The following NOTCH4 variants were observed in gnomAD, a reference collection of about 807,000 sequenced individuals.
NOTCH4 encodes neurogenic locus notch homolog protein 4.
In NOTCH4, 138 loss-of-function variants were observed where a neutral mutation model predicts 189.0. The ratio of observed to expected loss-of-function variants is 0.73; its 90% CI spans 0.64 to 0.84. NOTCH4 has a LOEUF of 0.84. Ranked by LOEUF, NOTCH4 falls within the 40% of genes least tolerant of loss-of-function variation. NOTCH4 has a pLI of 0.00. For synonymous variants in NOTCH4, 942 were observed against 1,032.8 expected, an observed-to-expected ratio of 0.91 and a Z score of 1.69; for missense variants, 2,286 against 2,605.4, an observed-to-expected ratio of 0.88 and a Z score of 2.67.
Position 32,198,803 on chromosome 6 carries a change from TC to T in NOTCH4, c.4536-74del. 6.7e-7 allele frequency: 1 copy of T among 1,501,288 alleles called. No individual in the cohort carries two copies. The highest frequency in any genetic ancestry group is 9.0e-7 in the Non-Finnish European group (1 of 1,109,646). The allele number at this position is 1,501,288 out of a possible 1,614,324, so 93.0% of individuals were successfully genotyped here. On this transcript the variant is annotated intron_variant, in intron 24 of 29. Transcript: ENST00000375023. The surrounding 1 kb of genome is among the most constrained non-coding windows in gnomAD (Gnocchi z 5.5). ...GGGTCTCCAAAATTTCCAGCAGGCT[TC>T]CCACCCCTCTCTCCTTCCCCTATCT...
In NOTCH4 at chr6:32,195,497, G is replaced by A. The variant is rs8192583; in HGVS notation, c.5952C>T (p.Asp1984=). ...TTTCTTGGAGGGCTGGGGGACCACA[G>A]TCAAGTTGAGGTGATCCCCGCTCCG... ...PSPERGSPQL[D]CGPPALQEMP... The change falls in exon 30 of 30, where the codon GAC becomes GAT. Residue 1984 remains aspartate (D), a synonymous_variant. Coordinates refer to ENST00000375023, the MANE Select transcript of NOTCH4 (RefSeq NM_004557.4). The surrounding 1 kb of genome is among the most constrained non-coding windows in gnomAD (Gnocchi z 5.4). The A allele has an allele frequency of 0.044, 70,307 of 1,612,868 alleles. 1,758 individuals are homozygous for A. Among genetic ancestry groups the A allele is most frequent in the South Asian group, 0.054 (4,900 of 91,068 alleles).
In NOTCH4 at chr6:32,212,376, T is replaced by C; in HGVS notation, c.2680+98A>G. ...TGTGGTTTTGATTCTCAGATGGTTG[T>C]TTTGGCCAAAAGCTGTGTGGAAGCC... On this transcript the variant is annotated intron_variant, in intron 17 of 29. Transcript: ENST00000375023. The surrounding 1 kb of genome is among the most constrained non-coding windows in gnomAD (Gnocchi z 4.4). The C allele has an allele frequency of 8.0e-7, 1 of 1,242,336 alleles. No individual in the cohort carries two copies. Among genetic ancestry groups the C allele is most frequent in the Non-Finnish European group, 1.1e-6 (1 of 889,278 alleles). 77.0% of individuals were successfully genotyped at this position (1,242,336 alleles called of 1,614,324 possible). A position where few individuals can be genotyped will look rare whatever the true frequency, so the allele number is the denominator to read the frequency against.
intron 29 of NOTCH4, 59 bp from the exon 30 acceptor site, chr6:32,196,209 TC>T: frequency 6.2e-7 from 1 of 1,603,440 alleles, no homozygotes; most frequent in Non-Finnish European, 8.5e-7. Context: ...ACTGGGCCTT[TC>T]TGCCTTCACT....
In NOTCH4 at chr6:32,195,893, C is replaced by CG; in HGVS notation, c.5555dup (p.His1853AlafsTer63). The CG allele has an allele frequency of 1.9e-6, 3 of 1,588,008 alleles. No individual in the cohort carries two copies. The highest frequency in any genetic ancestry group is 2.3e-5 in the East Asian group (1 of 44,418). ...AGCGCGGCAGAGCCCCGCCCCCATGCGGGGGCACGCTTACTGACACCGTCC... is the reference window on the plus strand; with the variant it reads ...AGCGCGGCAGAGCCCCGCCCCCATGCGGGGGGCACGCTTACTGACACCGTCC... On this transcript the variant is annotated frameshift_variant, in exon 30 of 30. Transcript: ENST00000375023. LOFTEE classifies it low-confidence loss of function (END_TRUNC). The surrounding 1 kb of genome is among the most constrained non-coding windows in gnomAD (Gnocchi z 5.4).
chr6:32,204,854 T>G (rs1351062858), intron 18 of NOTCH4, among the ~76,000 whole-genome samples: 2 of 152,228 alleles, frequency 1.3e-5, no homozygotes, highest in Non-Finnish European at 2.9e-5. Flanking sequence ...ATGATTTATA[T>G]ACATAACCTA....
intron 17 of NOTCH4, among the ~76,000 whole-genome samples, chr6:32,211,283 C>A (rs1789000462): frequency 7.0e-6 from 1 of 142,390 alleles, no homozygotes; most frequent in Non-Finnish European, 1.5e-5. Flanking sequence ...AACAAACAAA[C>A]AAACAGAAAC....
Position 32,221,059 on chromosome 6 carries a change from G to A in NOTCH4, c.718C>T (p.Pro240Ser), listed in dbSNP as rs1046104152. 1 of 1,613,052 alleles carries A rather than the reference G, an allele frequency of 6.2e-7. No individual in the cohort carries two copies. The highest frequency in any genetic ancestry group is 1.3e-5 in the African/African-American group (1 of 74,944). Reference sequence around the variant, plus strand: ...GTGCCCCCATTCGAACAGCCCCTAGGAGGGCAGGGTCCTGCCCGCAGCTCA... The same window carrying A: ...GTGCCCCCATTCGAACAGCCCCTAGAAGGGCAGGGTCCTGCCCGCAGCTCA... Reference protein sequence around the residue: ...RCELRAGPCPPRGCSNGGTCQ... With the variant: ...RCELRAGPCPSRGCSNGGTCQ... The change falls in exon 4 of 30, where the codon CCT becomes TCT. Residue 240 changes from proline (P) to serine (S), a missense_variant. By Grantham distance (74) the Pro-to-Ser change is moderately conservative (BLOSUM62 -1). Around this residue, in one of 2 missense-constraint regions of NOTCH4, gnomAD observed 1,903 missense variants for 2,261.9 expected, o/e 0.84. Coordinates refer to ENST00000375023, the MANE Select transcript of NOTCH4 (RefSeq NM_004557.4). This position sits in a 1 kb window ranked among gnomAD's most constrained non-coding sequence, Gnocchi z 4.3.
chr6:32,199,902 G>C lies in NOTCH4; in HGVS notation c.4316-757C>G, dbSNP rs904716601. 6.6e-6 allele frequency among the ~76,000 whole-genome samples: 1 copy of C among 152,028 alleles called. No homozygotes were observed. ...TCAGAAAACAAACACACAAAAAAAG[G>C]CTGAGTATCCATAACCCCAATCCCA... is the stretch of plus-strand genomic sequence containing the variant. On this transcript the variant is annotated intron_variant, in intron 23 of 29. Transcript: ENST00000375023. This position sits in a 1 kb window ranked among gnomAD's most constrained non-coding sequence, Gnocchi z 4.9.
Position 32,198,383 on chromosome 6 carries a change from C to CT in NOTCH4, c.4756+37dup, listed in dbSNP as rs368091638. On this transcript the variant is annotated intron_variant, in intron 26 of 29. Transcript: ENST00000375023. This position sits in a 1 kb window ranked among gnomAD's most constrained non-coding sequence, Gnocchi z 5.5. ...CTCTGATTCTAATAGGGTCAAAGGA[C>CT]TTTTTTTTTTTTTCTTGGTCTGGGT... is the stretch of plus-strand genomic sequence containing the variant. The CT allele has an allele frequency of 0.12, 119,939 of 974,092 alleles. No homozygotes were observed. The highest frequency in any genetic ancestry group is 0.14 in the Non-Finnish European group (93,360 of 691,016). The allele number at this position is 974,092 out of a possible 1,614,324, so 60.3% of individuals were successfully genotyped here.
Position 32,214,184 on chromosome 6 carries a change from G to A in NOTCH4, c.2093C>T (p.Ala698Val). 3 of 1,613,688 alleles carry A rather than the reference G, an allele frequency of 1.9e-6. No homozygotes were observed. The highest frequency in any genetic ancestry group is 2.5e-6 in the Non-Finnish European group (3 of 1,179,856). Residue 698 changes from alanine to valine, a missense_variant, in exon 13 of 30, where the codon GCA becomes GTA. By Grantham distance (64) the Ala-to-Val change is moderately conservative. Coordinates refer to ENST00000375023, the MANE Select transcript of NOTCH4 (RefSeq NM_004557.4). Reference protein sequence around the residue: ...CEAELGGCISAPCAHGGTCYP... With the variant: ...CEAELGGCISVPCAHGGTCYP... Reference sequence around the variant, plus strand: ...GCAGGTCCCCCCATGGGCACAGGGTGCAGAGATGCAGCCCCCTAGCTCTGC... The same window carrying A: ...GCAGGTCCCCCCATGGGCACAGGGTACAGAGATGCAGCCCCCTAGCTCTGC...
In NOTCH4 at chr6:32,210,981, C is replaced by T; in HGVS notation, c.2681-45G>A. 6.6e-7 allele frequency: 1 copy of T among 1,521,502 alleles called. No homozygotes were observed. The highest frequency in any genetic ancestry group is 8.8e-7 in the Non-Finnish European group (1 of 1,133,400). 94.3% of individuals were successfully genotyped at this position (1,521,502 alleles called of 1,614,324 possible). On this transcript the variant is annotated intron_variant, in intron 17 of 29. Transcript: ENST00000375023. The surrounding 1 kb of genome is among the most constrained non-coding windows in gnomAD (Gnocchi z 4.8). Reference sequence around the variant, plus strand: ...GGGATATACAAAGATAAGTGGGGGGCCGGGCGCCATGGCTTACGCCTGTAA... The same window carrying T: ...GGGATATACAAAGATAAGTGGGGGGTCGGGCGCCATGGCTTACGCCTGTAA...
In NOTCH4 at chr6:32,202,881, C is replaced by G. The variant is rs116697677; in HGVS notation, c.3232-282G>C. On this transcript the variant is annotated intron_variant, in intron 20 of 29. Transcript: ENST00000375023. The surrounding 1 kb of genome is among the most constrained non-coding windows in gnomAD (Gnocchi z 5.7). ...ACAGTGCAAGTCCTAGAAGACTAAACAGTTAATAGAATGCTATTATATTAT... is the reference window on the plus strand; with the variant it reads ...ACAGTGCAAGTCCTAGAAGACTAAAGAGTTAATAGAATGCTATTATATTAT... The G allele has an allele frequency of 3.3e-3, 1,212 of 364,042 alleles. 17 individuals carry two copies. Among genetic ancestry groups the G allele is most frequent in the African/African-American group, 0.023 (1,111 of 48,272 alleles). 22.6% of individuals were successfully genotyped at this position (364,042 alleles called of 1,614,324 possible).
At chr6:32,214,484 T>TATATATATATATATATATATATATACAC (rs28383875) in intron 12 of NOTCH4, among the ~76,000 whole-genome samples, 42 of 141,212 alleles carry the variant, frequency 3.0e-4, no homozygotes, top group South Asian at 6.7e-4. Flanking sequence ...TATATATATA[T>TATATATATATATATATATATATATACAC]ACACACATAT....
rs754037391 is a variant in NOTCH4 at position 32,214,288 on chromosome 6, C to A, written c.2022-33G>T. ...TAAAGAGAAAGGGGAGGGTTTTTCT[C>A]TTCTCCTACTGCTTATGTTCCCCTC... is the stretch of plus-strand genomic sequence containing the variant. On this transcript the variant is annotated intron_variant, in intron 12 of 29. Coordinates refer to ENST00000375023, the MANE Select transcript of NOTCH4 (RefSeq NM_004557.4). 16 of 1,608,938 alleles carry A rather than the reference C, an allele frequency of 9.9e-6. No homozygotes were observed. In the East Asian group the frequency reaches 3.6e-4, roughly 36 times the overall value.
chr6:32,214,762 G>T (rs1402365772), intron 12 of NOTCH4, among the ~76,000 whole-genome samples: 1 of 151,900 alleles, frequency 6.6e-6, no homozygotes, highest in Non-Finnish European at 1.5e-5. Flanking sequence ...CAAGTAGCTG[G>T]GATTACAGGT....
At chr6:32,219,509 G>A (rs1789615046) in intron 8 of NOTCH4, 83 bp downstream of exon 8, 2 of 1,286,546 alleles carry the variant, frequency 1.6e-6, no homozygotes, top group Non-Finnish European at 2.2e-6. Context: ...GCCTGAAGCT[G>A]TCCTTACTCT....
chr6:32,200,801 G>A lies in NOTCH4; in HGVS notation c.4315+30C>T, dbSNP rs766672844. 1.3e-5 allele frequency: 20 copies of A among 1,564,908 alleles called. No homozygotes were observed. The highest frequency in any genetic ancestry group is 1.6e-5 in the Non-Finnish European group (19 of 1,154,504). On this transcript the variant is annotated intron_variant, in intron 23 of 29. Transcript: ENST00000375023. The surrounding 1 kb of genome is among the most constrained non-coding windows in gnomAD (Gnocchi z 5.0). ...GCATGAGAGCTGGCCTGGGAACAGAGGTCAGAGAAAGTGGCAAGGGGTCAC... is the reference window on the plus strand; with the variant it reads ...GCATGAGAGCTGGCCTGGGAACAGAAGTCAGAGAAAGTGGCAAGGGGTCAC...
chr6:32,208,467 C>T (rs866899081), intron 18 of NOTCH4, among the ~76,000 whole-genome samples: 1 of 152,260 alleles, frequency 6.6e-6, no homozygotes, highest in Middle Eastern at 3.4e-3. Context: ...GTGTGGTGGC[C>T]CATGCCTGTA....
chr6:32,198,136 C>G lies in NOTCH4; in HGVS notation c.4756+285G>C, dbSNP rs925212894. 2.0e-5 allele frequency among the ~76,000 whole-genome samples: 3 copies of G among 152,186 alleles called. No homozygotes were observed. Among genetic ancestry groups the G allele is most frequent in the African/African-American group, 7.2e-5 (3 of 41,444 alleles). ...ACGCCCGGCCTAGCAGTGGTTTTCT[C>G]AAACGAGTCTGGATCAGATTCACCT... On this transcript the variant is annotated intron_variant, in intron 26 of 29. Transcript: ENST00000375023. The surrounding 1 kb of genome is among the most constrained non-coding windows in gnomAD (Gnocchi z 5.5).
Sources: gnomAD v4.1 joint callset for allele counts (sites outside exome capture counted in the v4.1 genomes callset) on GRCh38, gnomAD v4.1.1 for gene constraint, gnomAD v4.1.1 regional missense constraint, Gnocchi (gnomAD v3.1) non-coding constraint, MANE v1.5 for transcripts, NCBI Gene and HGNC (gene_info 2026-07-23, HGNC 2026-07-21) for gene names.